Variants in PDGFD observed in about 807,000 individuals in gnomAD.
PDGFD encodes platelet-derived growth factor D.
In PDGFD, 30 loss-of-function variants were observed where a neutral mutation model predicts 44.7. The observed-to-expected ratio is 0.67, with a 90% CI of 0.50 to 0.91. PDGFD has a LOEUF of 0.91. PDGFD is among the 40% of genes least tolerant of loss of function. The pLI is 0.00. For synonymous variants in PDGFD, 173 were observed against 168.4 expected, an observed-to-expected ratio of 1.03 and a Z score of -0.21; for missense variants, 445 against 457.8, an observed-to-expected ratio of 0.97 and a Z score of 0.25.
intron 1 of PDGFD, among the ~76,000 whole-genome samples, chr11:104,102,997 G>A (rs185495854): frequency 1.3e-5 from 2 of 152,112 alleles, no homozygotes; most frequent in Admixed American, 1.3e-4. Flanking sequence ...GTTAATGGGG[G>A]CAGCACACCA....
chr11:104,082,916 G>A (rs1438485221), intron 1 of PDGFD, among the ~76,000 whole-genome samples: 2 of 152,100 alleles, frequency 1.3e-5, no homozygotes, highest in Non-Finnish European at 2.9e-5. Context: ...CCTACTTGTG[G>A]CCACAAATAA....
At chr11:104,072,989 A>G (rs1311957898) in intron 1 of PDGFD, among the ~76,000 whole-genome samples, 2 of 152,024 alleles carry the variant, frequency 1.3e-5, no homozygotes, top group Non-Finnish European at 2.9e-5. Flanking sequence ...TAAAGTTCCA[A>G]CCTTCTTCTC....
chr11:104,013,566 T>C (rs529146435), intron 1 of PDGFD, among the ~76,000 whole-genome samples: 27 of 152,166 alleles, frequency 1.8e-4, no homozygotes, highest in Middle Eastern at 3.4e-3. Context: ...GCAAGTCCTG[T>C]GAAGGGGTCC....
intron 1 of PDGFD, among the ~76,000 whole-genome samples, chr11:104,034,801 C>A (rs867032214): frequency 6.6e-6 from 1 of 152,156 alleles, no homozygotes; most frequent in Middle Eastern, 3.4e-3. Context: ...CACCACAACG[C>A]CTGGCTAATT....
At chr11:104,077,848 TA>T (rs1860987154) in intron 1 of PDGFD, among the ~76,000 whole-genome samples, 1 of 152,178 alleles carries the variant, frequency 6.6e-6, no homozygotes, top group African/African-American at 2.4e-5. Flanking sequence ...TCTCCAACAA[TA>T]GTTTTGTGTT....
chr11:104,159,071 T>C (rs1446874524), intron 1 of PDGFD, among the ~76,000 whole-genome samples: 1 of 145,696 alleles, frequency 6.9e-6, no homozygotes, highest in African/African-American at 2.6e-5. Context: ...GAGAATCGCT[T>C]GAACCTGGGA....
At chr11:104,103,839 TTTAC>T (rs1373413121) in intron 1 of PDGFD, among the ~76,000 whole-genome samples, 1 of 152,062 alleles carries the variant, frequency 6.6e-6, no homozygotes, top group African/African-American at 2.4e-5. Flanking sequence ...ATGTAACTGG[TTTAC>T]TTATTTACTA....
At chr11:104,047,972 T>A (rs1236944098) in intron 1 of PDGFD, among the ~76,000 whole-genome samples, 2 of 152,164 alleles carry the variant, frequency 1.3e-5, no homozygotes, top group African/African-American at 4.8e-5. Context: ...TTGATAGTGA[T>A]GAAAAAGCCA....
intron 1 of PDGFD, among the ~76,000 whole-genome samples, chr11:104,145,194 T>C (rs1260608759): frequency 6.6e-6 from 1 of 152,188 alleles, no homozygotes; most frequent in African/African-American, 2.4e-5. Flanking sequence ...GCTGAGGTCT[T>C]GTTACCCTTA....
At chr11:104,118,955 CATA>C (rs1230464277) in intron 1 of PDGFD, among the ~76,000 whole-genome samples, 1 of 22,986 alleles carries the variant, frequency 4.4e-5, no homozygotes, top group Non-Finnish European at 8.3e-5. Context: ...AATAATATAT[CATA>C]ATAAAACAAT....
intron 3 of PDGFD, among the ~76,000 whole-genome samples, chr11:103,958,047 G>C (rs1858883713): frequency 6.6e-6 from 1 of 151,122 alleles, no homozygotes. Flanking sequence ...TAGTTGTTTA[G>C]CATTAAAAAA....
chr11:104,101,595 C>T (rs1014349189), intron 1 of PDGFD, among the ~76,000 whole-genome samples: 3 of 152,034 alleles, frequency 2.0e-5, no homozygotes, highest in Non-Finnish European at 2.9e-5. Context: ...TCATATGGAA[C>T]CAAAAAAGAG....
At chr11:103,930,696 C>T (rs59095725) in intron 5 of PDGFD, among the ~76,000 whole-genome samples, 3,890 of 152,190 alleles carry the variant, frequency 0.026, 172 homozygotes, top group African/African-American at 0.089. Flanking sequence ...CTTCCACAAG[C>T]GATGCTGAAG....
At chr11:103,955,567 A>G (rs1858830344) in intron 3 of PDGFD, among the ~76,000 whole-genome samples, 2 of 152,372 alleles carry the variant, frequency 1.3e-5, no homozygotes. Flanking sequence ...TCATCAAACT[A>G]GCTCTTCTAC....
At chr11:103,909,960 A>G in intron 6 of PDGFD, 141 bp from the exon 7 acceptor site, 12 of 953,794 alleles carry the variant, frequency 1.3e-5, no homozygotes, top group African/African-American at 1.6e-5. Flanking sequence ...ATTAGAATGC[A>G]CACGTTGCTA....
chr11:103,996,295 A>C, intron 2 of PDGFD, 50 bp from the exon 3 acceptor site: 1 of 1,452,144 alleles, frequency 6.9e-7, no homozygotes, highest in Non-Finnish European at 9.5e-7. Context: ...GTAGATTTTG[A>C]AATTCATACT....
chr11:104,010,167 G>A (rs1404863874), intron 1 of PDGFD, among the ~76,000 whole-genome samples: 1 of 149,900 alleles, frequency 6.7e-6, no homozygotes, highest in Non-Finnish European at 1.5e-5. Context: ...GGAGATGGTT[G>A]TTTGCCAGTT....
intron 1 of PDGFD, among the ~76,000 whole-genome samples, chr11:104,107,881 A>G (rs1000628184): frequency 6.6e-6 from 1 of 152,308 alleles, no homozygotes; most frequent in African/African-American, 2.4e-5. Context: ...TATTATTATT[A>G]ATGTCATTGC....
intron 5 of PDGFD, among the ~76,000 whole-genome samples, chr11:103,937,098 T>A (rs1858501157): frequency 6.6e-6 from 1 of 152,320 alleles, no homozygotes; most frequent in South Asian, 2.1e-4. Flanking sequence ...AGTGTTGGGA[T>A]CACAGCAGTG....
Sources: gnomAD v4.1 joint callset for allele counts (sites outside exome capture counted in the v4.1 genomes callset) on GRCh38, gnomAD v4.1.1 for gene constraint, MANE v1.5 for transcripts, NCBI Gene and HGNC (gene_info 2026-07-23, HGNC 2026-07-21) for gene names.